The following DOP1B variants were observed in gnomAD, a reference collection of about 807,000 sequenced individuals.
DOP1B encodes the protein DOP1 leucine zipper like protein B, also known as protein DOP1B.
A neutral mutation model predicts 233.5 loss-of-function variants in DOP1B; 174 were observed. The ratio of observed to expected loss-of-function variants is 0.75; its 90% CI spans 0.66 to 0.85. The LOEUF is 0.85. DOP1B is among the 40% of genes least tolerant of loss of function. DOP1B has a pLI of 0.00. For missense variants in DOP1B, 2,652 were observed against 2,846.6 expected (o/e 0.93, Z 1.56); for synonymous variants, 1,190 against 1,185.6 (o/e 1.00, Z -0.08).
rs149048761 is a variant in DOP1B at position 36,230,283 on chromosome 21, T to G, written c.1666-167T>G. Reference sequence around the variant, plus strand: ...TTGCTACCCACCGCTCTCCTTCTCCTGCTTTGGGTGCCTCCTAAATTTCAT... The same window carrying G: ...TTGCTACCCACCGCTCTCCTTCTCCGGCTTTGGGTGCCTCCTAAATTTCAT... On this transcript the variant is annotated intron_variant, in intron 13 of 36. Transcript: ENST00000691173. Among the ~76,000 whole-genome samples, 301 of 152,352 alleles carry G rather than the reference T, an allele frequency of 2.0e-3. 5 individuals carry two copies. The East Asian group carries it at 0.02, about 10-fold the overall frequency.
chr21:36,198,986 G>C, intron 2 of DOP1B, 84 bp from the exon 3 acceptor site: 1 of 1,432,138 alleles, frequency 7.0e-7, no homozygotes, highest in Admixed American at 2.1e-5. Context: ...CATGGCTGCA[G>C]TCTCTCTGGC....
chr21:36,265,273 A>G (rs573678637), intron 26 of DOP1B, among the ~76,000 whole-genome samples: 8 of 152,238 alleles, frequency 5.3e-5, no homozygotes, highest in African/African-American at 1.7e-4. Context: ...GCGGATGCCT[A>G]TAATCCCAGC....
At chr21:36,192,043 T>G (rs2066239851) in intron 2 of DOP1B, among the ~76,000 whole-genome samples, 1 of 151,872 alleles carries the variant, frequency 6.6e-6, no homozygotes, top group Non-Finnish European at 1.5e-5. Context: ...TTGCCCAGGC[T>G]AGTCTCAAAC....
At chr21:36,234,646 T>G (rs938578941) in intron 15 of DOP1B, among the ~76,000 whole-genome samples, 4 of 152,106 alleles carry the variant, frequency 2.6e-5, no homozygotes, top group Non-Finnish European at 5.9e-5. Context: ...ATTCAAGCGA[T>G]TCCCCTGCCT....
intron 2 of DOP1B, among the ~76,000 whole-genome samples, chr21:36,165,744 C>G (rs1310569005): frequency 7.2e-6 from 1 of 139,662 alleles, no homozygotes; most frequent in East Asian, 2.1e-4. Context: ...TTGAGACAGT[C>G]TCACTCTGTT....
chr21:36,206,992 G>A (rs147180461), intron 4 of DOP1B, among the ~76,000 whole-genome samples: 7 of 152,186 alleles, frequency 4.6e-5, no homozygotes, highest in African/African-American at 7.2e-5. Flanking sequence ...AATATAACGC[G>A]ATGGTAGATA....
chr21:36,266,469 C>T (rs1181851843), intron 26 of DOP1B, among the ~76,000 whole-genome samples: 3 of 152,148 alleles, frequency 2.0e-5, no homozygotes, highest in African/African-American at 4.8e-5. Context: ...CCACCACACC[C>T]GGCTGACCAG....
At chr21:36,157,234 A>C (rs1438211137) in intron 1 of DOP1B, among the ~76,000 whole-genome samples, 1 of 150,338 alleles carries the variant, frequency 6.7e-6, no homozygotes, top group Non-Finnish European at 1.5e-5. Flanking sequence ...GGAGGATATG[A>C]TGCCGGCCAC....
At chr21:36,278,442 A>C (rs984341683) in intron 30 of DOP1B, 87 bp downstream of exon 30, 11 of 1,431,806 alleles carry the variant, frequency 7.7e-6, no homozygotes, top group Non-Finnish European at 1.0e-5. Context: ...TTCCTGAAAT[A>C]GAAGCAGAGC....
chr21:36,218,762 G>A (rs1012728412), intron 9 of DOP1B, among the ~76,000 whole-genome samples: 1 of 152,176 alleles, frequency 6.6e-6, no homozygotes, highest in African/African-American at 2.4e-5. Context: ...GCGGTTTGCG[G>A]AGCAGCAATG....
At chr21:36,277,615 G>C (rs982045613) in intron 28 of DOP1B, among the ~76,000 whole-genome samples, 1 of 139,526 alleles carries the variant, frequency 7.2e-6, no homozygotes. Flanking sequence ...CGCTTCCAAG[G>C]GTTTCTGTTT....
At chr21:36,265,124 G>A (rs1006432547) in intron 26 of DOP1B, among the ~76,000 whole-genome samples, 6 of 152,150 alleles carry the variant, frequency 3.9e-5, no homozygotes, top group East Asian at 3.9e-4. Context: ...GGCCGTGTGC[G>A]GTGGCTCACG....
At chr21:36,278,399 G>A (rs374612110) in intron 30 of DOP1B, 44 bp downstream of exon 30, 154 of 1,567,198 alleles carry the variant, frequency 9.8e-5, no homozygotes, top group South Asian at 4.1e-4. Flanking sequence ...GAATCTTCAG[G>A]TGGAAATGGC....
intron 5 of DOP1B, among the ~76,000 whole-genome samples, chr21:36,210,222 TC>T (rs2066479535): frequency 6.6e-6 from 1 of 152,010 alleles, no homozygotes; most frequent in Admixed American, 6.6e-5. Context: ...ATGTCTGACT[TC>T]CCGGCTGGGT....
intron 24 of DOP1B, among the ~76,000 whole-genome samples, chr21:36,262,292 G>A (rs943394096): frequency 2.0e-5 from 3 of 152,314 alleles, no homozygotes; most frequent in African/African-American, 7.2e-5. Flanking sequence ...CCCAGGAGCT[G>A]CAGGTTAGAT....
chr21:36,175,034 G>T (rs1318967438), intron 2 of DOP1B, among the ~76,000 whole-genome samples: 3 of 152,134 alleles, frequency 2.0e-5, no homozygotes, highest in African/African-American at 7.2e-5. Flanking sequence ...TCGCTGCCTG[G>T]CTTGGAGATG....
At chr21:36,192,391 C>CTT (rs369131737) in intron 2 of DOP1B, among the ~76,000 whole-genome samples, 23,922 of 136,606 alleles carry the variant, frequency 0.18, 2,213 homozygotes, top group South Asian at 0.21. Context: ...AATTTTCATT[C>CTT]TTTTTTTTTT....
chr21:36,164,556 C>T, intron 1 of DOP1B, 152 bp from the exon 2 acceptor site: 1 of 473,100 alleles, frequency 2.1e-6, no homozygotes, highest in Non-Finnish European at 3.5e-6. Context: ...CAGTGCCTGG[C>T]CCAGAAGCCT....
chr21:36,261,589 G>T (rs2067172486), intron 24 of DOP1B: 3 of 985,200 alleles, frequency 3.0e-6, no homozygotes, highest in Non-Finnish European at 3.6e-6. Flanking sequence ...CTGCATCCCA[G>T]GTGCAGCTCT....
Sources: gnomAD v4.1 joint callset for allele counts (sites outside exome capture counted in the v4.1 genomes callset) on GRCh38, gnomAD v4.1.1 for gene constraint, MANE v1.5 for transcripts, NCBI Gene and HGNC (gene_info 2026-07-23, HGNC 2026-07-21) for gene names.